TANC1: variants seen among roughly 807,000 people sequenced by gnomAD.
TANC1 encodes the protein protein TANC1.
A neutral mutation model predicts 149.7 loss-of-function variants in TANC1; 77 were observed. That is an observed-to-expected ratio of 0.51 (90% CI 0.43 to 0.62). The LOEUF is 0.62. Among genes scored for constraint, TANC1 ranks in the 20% least tolerant of loss-of-function variants. The probability of loss-of-function intolerance (pLI) is 0.00; values close to 1 mark genes in which losing one functional copy is unlikely to be tolerated. For missense variants in TANC1, 1,985 were observed against 2,321.8 expected, an observed-to-expected ratio of 0.85 and a Z score of 2.98; for synonymous variants, 854 against 925.0, an observed-to-expected ratio of 0.92 and a Z score of 1.39.
chr2:158,969,093 C>A (rs1016218676), intron 1 of TANC1, among the ~76,000 whole-genome samples: 1 of 152,216 alleles, frequency 6.6e-6, no homozygotes, highest in Non-Finnish European at 1.5e-5. Context: ...GTGGTGGGAA[C>A]CGGGAACGCT....
At chr2:159,136,712 A>C (rs2150208408) in intron 5 of TANC1, among the ~76,000 whole-genome samples, 1 of 152,204 alleles carries the variant, frequency 6.6e-6, no homozygotes, top group African/African-American at 2.4e-5. Context: ...TAGCTTTAAA[A>C]AAAGCATTTG....
chr2:159,053,136 T>C (rs1360538586), intron 2 of TANC1, among the ~76,000 whole-genome samples: 1 of 152,000 alleles, frequency 6.6e-6, no homozygotes, highest in Non-Finnish European at 1.5e-5. Flanking sequence ...GAATTTTTTT[T>C]TTTTAAGTCT....
chr2:159,108,680 G>A (rs961339119), intron 4 of TANC1, among the ~76,000 whole-genome samples: 35 of 152,296 alleles, frequency 2.3e-4, no homozygotes, highest in African/African-American at 8.2e-4. Context: ...GCTGTGACAG[G>A]ACTGCGCGTG....
At chr2:159,151,321 C>T (rs2052786623) in intron 7 of TANC1, among the ~76,000 whole-genome samples, 1 of 152,226 alleles carries the variant, frequency 6.6e-6, no homozygotes, top group Non-Finnish European at 1.5e-5. Context: ...TGCAGCTGGG[C>T]TCCAGTGTCT....
intron 2 of TANC1, among the ~76,000 whole-genome samples, chr2:159,049,063 A>G (rs1019773561): frequency 1.3e-5 from 2 of 152,216 alleles, no homozygotes; most frequent in African/African-American, 2.4e-5. Flanking sequence ...CTGTTCTGAA[A>G]AGGAAATGCT....
intron 2 of TANC1, among the ~76,000 whole-genome samples, chr2:159,050,761 T>C (rs529894820): frequency 6.6e-6 from 1 of 152,366 alleles, no homozygotes; most frequent in East Asian, 1.9e-4. Flanking sequence ...ATTTGTGAAG[T>C]AAAGGTCTTC....
intron 1 of TANC1, among the ~76,000 whole-genome samples, chr2:158,987,850 T>C (rs1005567785): frequency 1.8e-4 from 27 of 152,168 alleles, no homozygotes; most frequent in Admixed American, 1.0e-3. Flanking sequence ...CTCTGAATCT[T>C]GGGCGGGAAG....
At chr2:159,069,861 C>G (rs907174248) in intron 3 of TANC1, among the ~76,000 whole-genome samples, 1 of 149,514 alleles carries the variant, frequency 6.7e-6, no homozygotes, top group Non-Finnish European at 1.5e-5. Flanking sequence ...CTTGACCTCT[C>G]AGGCTCAAGT....
intron 3 of TANC1, among the ~76,000 whole-genome samples, chr2:159,080,045 T>C (rs1251080934): frequency 6.6e-6 from 1 of 152,184 alleles, no homozygotes; most frequent in Non-Finnish European, 1.5e-5. Context: ...TTAGCTTCTG[T>C]GTTCCTACTG....
intron 16 of TANC1, among the ~76,000 whole-genome samples, chr2:159,189,145 A>C (rs764631789): frequency 1.3e-5 from 2 of 152,256 alleles, no homozygotes; most frequent in Non-Finnish European, 2.9e-5. Context: ...TACTGGGAAC[A>C]TACTTGGCAT....
At chr2:159,219,089 A>G (rs1348266204) in intron 20 of TANC1, 149 bp from the exon 21 acceptor site, 1 of 1,018,630 alleles carries the variant, frequency 9.8e-7, no homozygotes, top group Admixed American at 1.9e-5. Flanking sequence ...TACAGTGGAA[A>G]GATTTTCCAG....
At chr2:159,029,690 A>C (rs964266631) in intron 2 of TANC1, among the ~76,000 whole-genome samples, 1 of 152,126 alleles carries the variant, frequency 6.6e-6, no homozygotes, top group Non-Finnish European at 1.5e-5. Flanking sequence ...CAGTCTCCTG[A>C]GTAGCTAAGA....
chr2:159,202,948 C>CA (rs1177315589), intron 19 of TANC1, among the ~76,000 whole-genome samples: 3 of 152,156 alleles, frequency 2.0e-5, no homozygotes, highest in Middle Eastern at 3.2e-3. Context: ...CTGGTGACCT[C>CA]ATGCTGCTGT....
At chr2:159,172,425 A>G (rs2055359712) in intron 11 of TANC1, among the ~76,000 whole-genome samples, 153 bp downstream of exon 11, 1 of 152,254 alleles carries the variant, frequency 6.6e-6, no homozygotes, top group Non-Finnish European at 1.5e-5. Flanking sequence ...TTCTCCAAGT[A>G]AAAGTGTGAA....
intron 19 of TANC1, among the ~76,000 whole-genome samples, chr2:159,212,757 C>T (rs2059074518): frequency 6.6e-6 from 1 of 151,952 alleles, no homozygotes; most frequent in South Asian, 2.1e-4. Context: ...CCTGTCTCTA[C>T]TAAAAATACA....
At chr2:159,005,139 A>C (rs2037031727) in intron 2 of TANC1, among the ~76,000 whole-genome samples, 1 of 152,168 alleles carries the variant, frequency 6.6e-6, no homozygotes, top group Non-Finnish European at 1.5e-5. Flanking sequence ...CCTTGCCCTC[A>C]TTCCGATAAA....
chr2:159,099,475 CT>C (rs1188633041), intron 4 of TANC1, among the ~76,000 whole-genome samples: 7 of 151,458 alleles, frequency 4.6e-5, no homozygotes, highest in African/African-American at 1.5e-4. Context: ...TCCTTTTCCC[CT>C]GAATTAGTGG....
At position 159,229,475 on chromosome 2, in the gene TANC1, T is replaced by C. The variant is rs745462640; in HGVS notation, c.4152-103T>C. On this transcript the variant is annotated intron_variant, in intron 26 of 26. Transcript: ENST00000263635. ...ACCACCGTAAGTGTTCAAAACTCAC[T>C]TGCTACCTTCTCTTTCCTTTGAGCA... The C allele has an allele frequency of 1.1e-5, 11 of 1,028,460 alleles. No homozygotes were observed. In the African/African-American group the frequency reaches 1.8e-4, roughly 17 times the overall value. The allele number at this position is 1,028,460 out of a possible 1,614,324, so 63.7% of individuals were successfully genotyped here.
intron 1 of TANC1, among the ~76,000 whole-genome samples, chr2:158,997,619 T>C (rs2036250863): frequency 6.6e-6 from 1 of 152,166 alleles, no homozygotes; most frequent in African/African-American, 2.4e-5. Context: ...AAACAAAGGA[T>C]GTGGGCATGT....
Sources: gnomAD v4.1 joint callset for allele counts (sites outside exome capture counted in the v4.1 genomes callset) on GRCh38, gnomAD v4.1.1 for gene constraint, MANE v1.5 for transcripts, NCBI Gene and HGNC (gene_info 2026-07-23, HGNC 2026-07-21) for gene names.